ACER1: variants seen among roughly 807,000 people sequenced by gnomAD.
ACER1 encodes alkaline ceramidase 1.
In ACER1, 28 loss-of-function variants were observed where a neutral mutation model predicts 24.9. The ratio of observed to expected loss-of-function variants is 1.13; its 90% CI spans 0.83 to 1.54. The LOEUF is 1.54. Among genes scored for constraint, ACER1 ranks in the 40% most tolerant of loss-of-function variants. The pLI is 0.00. For synonymous variants in ACER1, 132 were observed against 131.4 expected (o/e 1.00, Z -0.03); for missense variants, 352 against 349.3 (o/e 1.01, Z -0.06).
chr19:6,339,442 G>A, the ACER1 span, among the ~76,000 whole-genome samples: 7 of 151,972 alleles, frequency 4.6e-5, no homozygotes, highest in Admixed American at 2.0e-4. Context: ...GAAGTAGAAC[G>A]GGGGGTATGA....
chr19:6,317,648 TA>T (rs1471045617), intron 1 of ACER1, among the ~76,000 whole-genome samples: 2 of 152,222 alleles, frequency 1.3e-5, no homozygotes, highest in African/African-American at 4.8e-5. Context: ...GGGCCTTCAA[TA>T]AATAAAGTCT....
chr19:6,354,657 C>T, the ACER1 span, among the ~76,000 whole-genome samples: 1 of 152,190 alleles, frequency 6.6e-6, no homozygotes, highest in South Asian at 2.1e-4. Context: ...CAGTGGCTCA[C>T]GCCTGTAATC....
At chr19:6,329,447 G>A (rs767063713) in intron 1 of ACER1, among the ~76,000 whole-genome samples, 11 of 149,146 alleles carry the variant, frequency 7.4e-5, no homozygotes, top group Admixed American at 1.3e-4. Flanking sequence ...GGTAAGTCTC[G>A]TTTTGTGCAA....
chr19:6,352,450 G>A, the ACER1 span, among the ~76,000 whole-genome samples: 1 of 152,214 alleles, frequency 6.6e-6, no homozygotes, highest in African/African-American at 2.4e-5. Flanking sequence ...AGATATGTGA[G>A]TGGAGAATGT....
At chr19:6,336,829 A>AG (rs1304680666), upstream of ACER1, among the ~76,000 whole-genome samples, 662 of 150,636 alleles carry the variant, frequency 4.4e-3, 6 homozygotes, top group African/African-American at 0.015. Context: ...CAAAAAAAAA[A>AG]AAAAAAAAGA....
chr19:6,359,115 C>G, the ACER1 span, among the ~76,000 whole-genome samples: 9 of 151,942 alleles, frequency 5.9e-5, no homozygotes, highest in Non-Finnish European at 1.3e-4. Flanking sequence ...ACCTCTAGTC[C>G]TAGCTACTTG....
chr19:6,351,524 A>C, the ACER1 span, among the ~76,000 whole-genome samples: 1 of 149,694 alleles, frequency 6.7e-6, no homozygotes, highest in Non-Finnish European at 1.5e-5. Flanking sequence ...TGAGATCAGG[A>C]GTTTGAGTTC....
upstream of ACER1, among the ~76,000 whole-genome samples, chr19:6,336,578 T>C (rs1320008203): frequency 2.0e-5 from 3 of 152,008 alleles, no homozygotes; most frequent in Admixed American, 2.0e-4. Context: ...CCCAGCACTT[T>C]AGGAAGCCAA....
upstream of ACER1, among the ~76,000 whole-genome samples, chr19:6,337,143 T>C (rs2091717502): frequency 1.3e-5 from 2 of 148,288 alleles, no homozygotes; most frequent in Non-Finnish European, 3.0e-5. Flanking sequence ...ACCACTGCAC[T>C]CCAGCCTGGG....
At chr19:6,325,236 G>C (rs2091655274) in intron 1 of ACER1, among the ~76,000 whole-genome samples, 1 of 152,136 alleles carries the variant, frequency 6.6e-6, no homozygotes, top group Non-Finnish European at 1.5e-5. Context: ...TTCCCAATTT[G>C]GCCCCTGAAA....
At chr19:6,358,653 G>C in the ACER1 span, among the ~76,000 whole-genome samples, 1 of 150,808 alleles carries the variant, frequency 6.6e-6, no homozygotes, top group African/African-American at 2.4e-5. Flanking sequence ...GAGTCCAGTG[G>C]CCGGGCGCAG....
the ACER1 span, among the ~76,000 whole-genome samples, chr19:6,353,855 AAAATAAAATAAAAT>A: frequency 1.1e-3 from 162 of 151,292 alleles, no homozygotes; most frequent in Non-Finnish European, 1.8e-3. Flanking sequence ...ATAAAATAAT[AAAATAAAATAAAAT>A]AAATAAAATA....
intron 1 of ACER1, among the ~76,000 whole-genome samples, chr19:6,327,439 TC>T (rs758449067): frequency 4.0e-4 from 60 of 151,776 alleles, no homozygotes; most frequent in Non-Finnish European, 6.3e-4. Context: ...GTGACGGGCG[TC>T]TGTAGTCCCA....
the ACER1 span, among the ~76,000 whole-genome samples, chr19:6,349,096 A>G: frequency 6.6e-6 from 1 of 150,792 alleles, no homozygotes; most frequent in Non-Finnish European, 1.5e-5. Context: ...GGAAGAAAGA[A>G]GAAGAGGAAG....
At chr19:6,310,889 A>G (rs952424192) in intron 3 of ACER1, among the ~76,000 whole-genome samples, 191 of 151,788 alleles carry the variant, frequency 1.3e-3, no homozygotes, top group African/African-American at 4.3e-3. Flanking sequence ...AAAAAAAAAA[A>G]AAAAGAAGAA....
chr19:6,339,563 A>G, the ACER1 span, among the ~76,000 whole-genome samples: 23 of 152,214 alleles, frequency 1.5e-4, no homozygotes, highest in Non-Finnish European at 2.6e-4. Flanking sequence ...AGACATGCGA[A>G]TGTGCTTAAT....
chr19:6,341,911 G>A, the ACER1 span, among the ~76,000 whole-genome samples: 3 of 152,176 alleles, frequency 2.0e-5, no homozygotes, highest in African/African-American at 7.2e-5. Context: ...TTACAGGCGT[G>A]AGCCACTGCA....
At chr19:6,345,440 T>C in the ACER1 span, among the ~76,000 whole-genome samples, 1 of 152,138 alleles carries the variant, frequency 6.6e-6, no homozygotes, top group South Asian at 2.1e-4. Flanking sequence ...CTGTAATATA[T>C]AATGAACTAA....
chr19:6,348,346 T>C, the ACER1 span, among the ~76,000 whole-genome samples: 1 of 151,214 alleles, frequency 6.6e-6, no homozygotes, highest in African/African-American at 2.4e-5. Flanking sequence ...GCGCCTGTAA[T>C]CTCAGCTACT....
Sources: allele counts gnomAD v4.1 joint callset (sites outside exome capture counted in the v4.1 genomes callset), GRCh38; gene constraint gnomAD v4.1.1; transcripts MANE v1.5; gene names NCBI Gene and HGNC (gene_info 2026-07-23, HGNC 2026-07-21).